Variants in SLCO3A1 observed in about 807,000 individuals in gnomAD.
The protein encoded by SLCO3A1 is PGE1 transporter.
In SLCO3A1, 27 loss-of-function variants were observed where a neutral mutation model predicts 63.1. The ratio of observed to expected loss-of-function variants is 0.43; its 90% CI spans 0.32 to 0.59. The LOEUF (loss-of-function observed/expected upper bound fraction) is 0.59. Ranked by LOEUF, SLCO3A1 falls within the 20% of genes least tolerant of loss-of-function variation. The pLI is 0.09. For synonymous variants in SLCO3A1, 473 were observed against 409.9 expected (o/e 1.15, Z -1.86); for missense variants, 773 against 945.8 (o/e 0.82, Z 2.40).
chr15:91,997,670 C>T (rs1160286066), intron 2 of SLCO3A1, among the ~76,000 whole-genome samples: 1 of 152,110 alleles, frequency 6.6e-6, no homozygotes, highest in Non-Finnish European at 1.5e-5. Context: ...CTACATAGAC[C>T]AGTGGAGCAG....
chr15:91,879,393 G>A (rs1179962933), intron 1 of SLCO3A1, among the ~76,000 whole-genome samples: 1 of 151,888 alleles, frequency 6.6e-6, no homozygotes, highest in Non-Finnish European at 1.5e-5. Flanking sequence ...TGGGGGTGAG[G>A]GTTAGTAACA....
intron 2 of SLCO3A1, among the ~76,000 whole-genome samples, chr15:91,940,024 C>T (rs530303711): frequency 6.6e-6 from 1 of 152,284 alleles, no homozygotes; most frequent in Admixed American, 6.5e-5. Flanking sequence ...CTACCATTTG[C>T]ACCGGGAGCT....
At chr15:91,915,293 CAT>C (rs1349801920) in intron 1 of SLCO3A1, among the ~76,000 whole-genome samples, 1 of 152,170 alleles carries the variant, frequency 6.6e-6, no homozygotes, top group South Asian at 2.1e-4. Context: ...GTTTAACAAA[CAT>C]AGGGCAGACA....
At chr15:92,028,073 C>A (rs2046598037) in intron 2 of SLCO3A1, among the ~76,000 whole-genome samples, 1 of 152,156 alleles carries the variant, frequency 6.6e-6, no homozygotes, top group African/African-American at 2.4e-5. Context: ...CATCACTCTG[C>A]TTATGTGCTG....
chr15:92,075,681 A>G (rs2047267858), intron 2 of SLCO3A1, among the ~76,000 whole-genome samples: 1 of 152,202 alleles, frequency 6.6e-6, no homozygotes, highest in Non-Finnish European at 1.5e-5. Context: ...TCCCTCTCAA[A>G]TGGGCATAAC....
In SLCO3A1 at chr15:91,854,801, G is replaced by A. The variant is rs914620978; in HGVS notation, c.180+713G>A. Reference sequence around the variant, plus strand: ...CCATCGTGGTCTGTCGCCTACAGAAGGTTGCACCATTTTCCACAATGAATA... The same window carrying A: ...CCATCGTGGTCTGTCGCCTACAGAAAGTTGCACCATTTTCCACAATGAATA... On this transcript the variant is annotated intron_variant, in intron 1 of 9. Transcript: ENST00000318445. The surrounding 1 kb of genome is among the most constrained non-coding windows in gnomAD (Gnocchi z 6.4). Among the ~76,000 whole-genome samples the A allele has an allele frequency of 1.3e-5, 2 of 152,142 alleles. No homozygotes were observed. The highest frequency in any genetic ancestry group is 2.1e-4 in the South Asian group (1 of 4,832).
At chr15:92,088,043 T>C (rs921241500) in intron 2 of SLCO3A1, among the ~76,000 whole-genome samples, 1 of 152,118 alleles carries the variant, frequency 6.6e-6, no homozygotes, top group Non-Finnish European at 1.5e-5. Context: ...GCAGAGGGAC[T>C]TGGGGAAAGA....
At chr15:91,961,232 T>G (rs540033246) in intron 2 of SLCO3A1, among the ~76,000 whole-genome samples, 22 of 152,252 alleles carry the variant, frequency 1.4e-4, no homozygotes, top group Non-Finnish European at 2.6e-4. Context: ...GAAGATTCAT[T>G]AATTTTTGGC....
intron 1 of SLCO3A1, among the ~76,000 whole-genome samples, chr15:91,867,540 C>T (rs1200194177): frequency 6.7e-6 from 1 of 150,190 alleles, no homozygotes; most frequent in African/African-American, 2.5e-5. Flanking sequence ...ACCACTTTTG[C>T]TTGGCCTCGG....
intron 2 of SLCO3A1, among the ~76,000 whole-genome samples, chr15:91,961,973 C>G (rs1459814100): frequency 1.3e-5 from 2 of 152,138 alleles, no homozygotes; most frequent in African/African-American, 4.8e-5. Flanking sequence ...GGGAGGAAAC[C>G]TGGACTCAGA....
At chr15:91,987,916 C>T (rs1208753893) in intron 2 of SLCO3A1, among the ~76,000 whole-genome samples, 4 of 151,854 alleles carry the variant, frequency 2.6e-5, no homozygotes, top group Admixed American at 2.0e-4. Context: ...GAGGGGTCCT[C>T]GTGGCCACGT....
At chr15:91,981,665 G>T (rs1597184863) in intron 2 of SLCO3A1, among the ~76,000 whole-genome samples, 1 of 152,164 alleles carries the variant, frequency 6.6e-6, no homozygotes, top group Non-Finnish European at 1.5e-5. Flanking sequence ...GTGAGGTCAT[G>T]CAGTCACCCA....
chr15:92,126,230 G>A lies in SLCO3A1; in HGVS notation c.1344G>A (p.Val448=). The A allele has an allele frequency of 6.2e-7, 1 of 1,614,024 alleles. No individual in the cohort carries two copies. Among genetic ancestry groups the A allele is most frequent in the Non-Finnish European group, 8.5e-7 (1 of 1,179,996 alleles). The change falls in exon 6 of 10, where the codon GTG becomes GTA. Residue 448 remains valine, a synonymous_variant. Transcript: ENST00000318445. The part of the protein sequence containing the change: ...FLFLGCDTGP[V]AGVTVPYGNS... ...TCCTGGGCTGCGACACTGGCCCTGTGGCTGGGGTTACTGTTCCCTATGGAA... is the reference window on the plus strand; with the variant it reads ...TCCTGGGCTGCGACACTGGCCCTGTAGCTGGGGTTACTGTTCCCTATGGAA...
intron 1 of SLCO3A1, among the ~76,000 whole-genome samples, chr15:91,869,483 C>T (rs1013051108): frequency 6.6e-6 from 1 of 151,368 alleles, no homozygotes; most frequent in Non-Finnish European, 1.5e-5. Flanking sequence ...TTGCAATGAG[C>T]CAAGATGGCG....
chr15:91,979,823 C>A (rs909752808), intron 2 of SLCO3A1, among the ~76,000 whole-genome samples: 7 of 152,170 alleles, frequency 4.6e-5, no homozygotes, highest in African/African-American at 1.7e-4. Flanking sequence ...ATGGTAGCAT[C>A]TATTATTGTC....
chr15:91,923,120 T>G (rs2151384397), intron 2 of SLCO3A1, among the ~76,000 whole-genome samples: 1 of 152,328 alleles, frequency 6.6e-6, no homozygotes, highest in African/African-American at 2.4e-5. Flanking sequence ...CCAATTGCCC[T>G]GAGACTTTTG....
chr15:92,050,463 A>T lies in SLCO3A1; in HGVS notation c.647-44418A>T, dbSNP rs538988303. 1.2e-4 allele frequency among the ~76,000 whole-genome samples: 19 copies of T among 152,290 alleles called. No homozygotes were observed. The South Asian group carries it at 3.9e-3, about 32-fold the overall frequency. ...GGAGGCACGGTGCCACCATCCAGAGATTCAGGAAATGCCTCCTGCTCTCTG... is the reference window on the plus strand; with the variant it reads ...GGAGGCACGGTGCCACCATCCAGAGTTTCAGGAAATGCCTCCTGCTCTCTG... On this transcript the variant is annotated intron_variant, in intron 2 of 9. Transcript: ENST00000318445.
chr15:92,014,447 A>C (rs1044749489), intron 2 of SLCO3A1, among the ~76,000 whole-genome samples: 2 of 152,158 alleles, frequency 1.3e-5, no homozygotes, highest in African/African-American at 4.8e-5. Context: ...AATTACAGTC[A>C]TAATTTATTG....
rs2047645161 is a variant in SLCO3A1, at chr15:92,104,562, C to T, written c.1009+20C>T. ...TGAGAGGTAAAGGTGGCCTCATCTG[C>T]CTCTGCTCAGAACAGTAGGGGGATT... On this transcript the variant is annotated intron_variant, in intron 4 of 9. Transcript: ENST00000318445. 2 of 1,607,698 alleles carry T rather than the reference C, an allele frequency of 1.2e-6. No homozygotes were observed. Among genetic ancestry groups the T allele is most frequent in the South Asian group, 1.1e-5 (1 of 90,764 alleles).
Sources: allele counts gnomAD v4.1 joint callset (sites outside exome capture counted in the v4.1 genomes callset), GRCh38; gene constraint gnomAD v4.1.1; non-coding constraint Gnocchi (gnomAD v3.1); transcripts MANE v1.5; gene names NCBI Gene and HGNC (gene_info 2026-07-23, HGNC 2026-07-21).